Variants in DMAC2L observed in about 807,000 individuals in gnomAD.
DMAC2L encodes distal membrane arm assembly component 2 like, also known as ATP synthase subunit s, mitochondrial.
Under a neutral mutation model 22.5 loss-of-function variants are expected in DMAC2L, and 21 were observed. That is an observed-to-expected ratio of 0.93 (90% CI 0.66 to 1.34). The LOEUF (loss-of-function observed/expected upper bound fraction) is 1.34, where lower values mean the gene tolerates loss of function less well. DMAC2L is among the 40% of genes most tolerant of loss of function. The pLI, the probability that DMAC2L is intolerant of heterozygous loss-of-function variation, is 0.00. For synonymous variants in DMAC2L, 86 were observed against 89.5 expected (o/e 0.96, Z 0.22); for missense variants, 239 against 246.5 (o/e 0.97, Z 0.20).
At chr14:50,325,550 A>C in intron 5 of DMAC2L, 59 bp from the exon 6 acceptor site, 1 of 1,513,698 alleles carries the variant, frequency 6.6e-7, no homozygotes, top group Non-Finnish European at 9.0e-7. Context: ...AAGTCAGTAA[A>C]TTGAATTTAT....
chr14:50,314,207 G>A (rs529023052), intron 1 of DMAC2L, among the ~76,000 whole-genome samples: 9 of 152,292 alleles, frequency 5.9e-5, no homozygotes, highest in Non-Finnish European at 1.3e-4. Context: ...ATTGAATTAT[G>A]GAGGCAGGTC....
chr14:50,312,110 C>A (rs776223095), upstream of DMAC2L: 5 of 1,609,250 alleles, frequency 3.1e-6, no homozygotes, highest in Non-Finnish European at 4.2e-6. Flanking sequence ...CCCGCGGGCC[C>A]GTCCGCAGGC....
At chr14:50,323,829 A>G in intron 4 of DMAC2L, 116 bp from the exon 5 acceptor site, 1 of 786,190 alleles carries the variant, frequency 1.3e-6, no homozygotes, top group Non-Finnish European at 2.0e-6. Flanking sequence ...TGGAACTAAG[A>G]GGTTTCCCAG....
At chr14:50,321,244 G>C in intron 2 of DMAC2L, 3 of 496,108 alleles carry the variant, frequency 6.0e-6, no homozygotes, top group Non-Finnish European at 8.9e-6. Flanking sequence ...TTTCAACAGT[G>C]GAACTTAACG....
chr14:50,319,177 T>C, intron 2 of DMAC2L: 1 of 1,535,392 alleles, frequency 6.5e-7, no homozygotes, highest in East Asian at 2.4e-5. Context: ...AATAGAGTTA[T>C]TCAAGGTGGG....
chr14:50,312,504 C>T, intron 1 of DMAC2L, 115 bp downstream of exon 1: 1 of 391,164 alleles, frequency 2.6e-6, no homozygotes, highest in Non-Finnish European at 4.7e-6. Context: ...GGTCGCGCGT[C>T]TTCGACCTTC....
chr14:50,312,193 C>A, upstream of DMAC2L: 2 of 1,604,640 alleles, frequency 1.2e-6, no homozygotes, highest in Non-Finnish European at 1.7e-6. Flanking sequence ...GAAGAAGCCA[C>A]TTGACCCTCC....
chr14:50,315,605 T>A (rs2031713319), intron 2 of DMAC2L, among the ~76,000 whole-genome samples: 1 of 136,778 alleles, frequency 7.3e-6, no homozygotes, highest in Non-Finnish European at 1.5e-5. Flanking sequence ...GAGGTTGCAG[T>A]GAGCTGAGAC....
intron 5 of DMAC2L, among the ~76,000 whole-genome samples, 189 bp from the exon 6 acceptor site, chr14:50,325,420 T>C (rs2139328354): frequency 6.6e-6 from 1 of 152,364 alleles, no homozygotes; most frequent in South Asian, 2.1e-4. Flanking sequence ...GAAATATTGA[T>C]GTAACCCAAA....
chr14:50,327,542 T>C lies in DMAC2L; in HGVS notation c.*1819T>C, dbSNP rs2032755580. 1 of 144,096 alleles carries C rather than the reference T, an allele frequency of 6.9e-6. No individual in the cohort carries two copies. The highest frequency in any genetic ancestry group is 1.5e-5 in the Non-Finnish European group (1 of 66,490). 8.9% of individuals were successfully genotyped at this position (144,096 alleles called of 1,614,324 possible). On this transcript the variant is annotated 3_prime_UTR_variant, in exon 6 of 6. Transcript: ENST00000557421. ...GTGCAGTGGTGTGATCTCAGTTCAC[T>C]GCAACCTCTGCCTCCCGGGTTCAAG...
At chr14:50,317,492 G>T (rs2031904523) in intron 2 of DMAC2L, among the ~76,000 whole-genome samples, 1 of 152,130 alleles carries the variant, frequency 6.6e-6, no homozygotes, top group Non-Finnish European at 1.5e-5. Flanking sequence ...AGTGGGGCTG[G>T]GTGCCGTGGC....
At position 50,326,371 on chromosome 14, in the gene DMAC2L, CAG is replaced by C. The variant is rs1215637187; in HGVS notation, c.*649_*650del. On this transcript the variant is annotated 3_prime_UTR_variant, in exon 6 of 6. Transcript: ENST00000557421. ...TGTACAACAGATGTTTTTATTATAA[CAG>C]TAATTTACATTTAACTTTAAAGTTA... The C allele has an allele frequency of 3.4e-6, 3 of 890,148 alleles. No individual in the cohort carries two copies. The African/African-American group carries it at 5.4e-5, about 16-fold the overall frequency. 55.1% of individuals were successfully genotyped at this position (890,148 alleles called of 1,614,324 possible).
At chr14:50,325,112 C>A (rs1459354566) in intron 5 of DMAC2L, among the ~76,000 whole-genome samples, 1 of 133,688 alleles carries the variant, frequency 7.5e-6, no homozygotes, top group East Asian at 2.3e-4. Flanking sequence ...TTAGAGATCT[C>A]AACATTCAAA....
At position 50,326,670 on chromosome 14, in the gene DMAC2L, A is replaced by C. The variant is rs2032716449; in HGVS notation, c.*947A>C. On this transcript the variant is annotated 3_prime_UTR_variant, in exon 6 of 6. Coordinates refer to ENST00000557421, the MANE Select transcript of DMAC2L (RefSeq NM_001382507.1). ...GGACATAGATACTTGGCTGAATACA[A>C]ATAGTTTTGCAGATTGCAATATAAT... 2.0e-6 allele frequency: 2 copies of C among 985,394 alleles called. No homozygotes were observed. Among genetic ancestry groups the C allele is most frequent in the African/African-American group, 3.5e-5 (2 of 57,358 alleles). 61.0% of individuals were successfully genotyped at this position (985,394 alleles called of 1,614,324 possible).
intron 1 of DMAC2L, among the ~76,000 whole-genome samples, chr14:50,313,859 C>T (rs2031504277): frequency 6.6e-6 from 1 of 152,210 alleles, no homozygotes; most frequent in African/African-American, 2.4e-5. Flanking sequence ...AAGGGTCCCT[C>T]CAGTTGCCCT....
In DMAC2L at chr14:50,314,594, A is replaced by G. The variant is rs1396132715; in HGVS notation, c.-38A>G. The G allele has an allele frequency of 2.2e-6, 1 of 455,476 alleles. No individual in the cohort carries two copies. Among genetic ancestry groups the G allele is most frequent in the African/African-American group, 2.0e-5 (1 of 50,080 alleles). The allele number at this position is 455,476 out of a possible 1,614,324, so 28.2% of individuals were successfully genotyped here. A position where few individuals can be genotyped will look rare whatever the true frequency, so the allele number is the denominator to read the frequency against. On this transcript the variant is annotated 5_prime_UTR_variant, in exon 2 of 6. It adds an upstream start codon to the 5' untranslated region. Transcript: ENST00000557421. The stretch of plus-strand genomic sequence containing the variant: ...GAACCTGTTTTTGTTTCTCTAGGAT[A>G]AGTGCCCAAGAGTACAATTGCTGGG...
intron 2 of DMAC2L, among the ~76,000 whole-genome samples, chr14:50,320,649 CTTATT>C (rs963607196): frequency 6.6e-6 from 1 of 152,166 alleles, no homozygotes; most frequent in Non-Finnish European, 1.5e-5. Flanking sequence ...AGTTCTGTCA[CTTATT>C]TTAACTACTT....
upstream of DMAC2L, chr14:50,312,067 C>T (rs1435831233): frequency 5.0e-6 from 8 of 1,599,222 alleles, no homozygotes; most frequent in East Asian, 2.3e-5. Flanking sequence ...CAGACGCGAA[C>T]CCGCACGCCC....
intron 1 of DMAC2L, chr14:50,312,928 A>G (rs936967113): frequency 6.8e-7 from 1 of 1,462,814 alleles, no homozygotes; most frequent in South Asian, 1.1e-5. Flanking sequence ...TCGACCCGGC[A>G]CTGGGTACCG....
Sources: gnomAD v4.1 joint callset for allele counts (sites outside exome capture counted in the v4.1 genomes callset) on GRCh38, gnomAD v4.1.1 for gene constraint, MANE v1.5 for transcripts, NCBI Gene and HGNC (gene_info 2026-07-23, HGNC 2026-07-21) for gene names.